ABCB1: variants seen among roughly 807,000 people sequenced by gnomAD.
ABCB1 encodes ATP-dependent translocase ABCB1.
A neutral mutation model predicts 142.0 loss-of-function variants in ABCB1; 69 were observed. The observed-to-expected ratio is 0.49, with a 90% CI of 0.40 to 0.59. The LOEUF is 0.59. Among genes scored for constraint, ABCB1 ranks in the 20% least tolerant of loss-of-function variants. The pLI is 0.00. For missense variants in ABCB1, 1,326 were observed against 1,554.7 expected (o/e 0.85, Z 2.47); for synonymous variants, 532 against 539.2 (o/e 0.99, Z 0.18).
intron 4 of ABCB1, among the ~76,000 whole-genome samples, chr7:87,582,013 C>T (rs923820046): frequency 2.6e-5 from 4 of 152,126 alleles, no homozygotes; most frequent in Non-Finnish European, 5.9e-5. Context: ...TGATGCTATT[C>T]CCTGCTTTCC....
intron 1 of ABCB1, among the ~76,000 whole-genome samples, chr7:87,626,110 A>G (rs539946414): frequency 2.3e-5 from 3 of 128,332 alleles, no homozygotes; most frequent in African/African-American, 1.0e-4. Flanking sequence ...TGTCATATAT[A>G]TGTGTCATAT....
intron 15 of ABCB1, 99 bp downstream of exon 15, chr7:87,545,764 T>C (rs1366895891): frequency 1.7e-5 from 22 of 1,329,850 alleles, no homozygotes; most frequent in Non-Finnish European, 2.2e-5. Context: ...TTTCCTACTT[T>C]GTAAGGTAAT....
At chr7:87,711,820 GGAGCTGCCTGA>G (rs1441575589) in intron 1 of ABCB1, among the ~76,000 whole-genome samples, 1 of 152,068 alleles carries the variant, frequency 6.6e-6, no homozygotes, top group African/African-American at 2.4e-5. Flanking sequence ...TCTATTGGTC[GGAGCTGCCTGA>G]GATATTTCTA....
chr7:87,509,229 G>A, intron 26 of ABCB1, 46 bp downstream of exon 26: 1 of 1,596,576 alleles, frequency 6.3e-7, no homozygotes, highest in East Asian at 2.2e-5. Context: ...ATAGGCCAGA[G>A]AGGCTGCCAC....
chr7:87,588,582 T>C (rs896938380), intron 3 of ABCB1, among the ~76,000 whole-genome samples: 6 of 152,242 alleles, frequency 3.9e-5, no homozygotes, highest in East Asian at 1.9e-4. Context: ...CAGTCTACAA[T>C]TGATGGCCAT....
chr7:87,568,783 T>C (rs1325740804), intron 5 of ABCB1, among the ~76,000 whole-genome samples: 2 of 152,216 alleles, frequency 1.3e-5, no homozygotes, highest in Non-Finnish European at 2.9e-5. Context: ...GTGTTCATGA[T>C]ACAACAAGAG....
chr7:87,625,241 A>G (rs150501974), intron 1 of ABCB1, among the ~76,000 whole-genome samples: 20 of 152,070 alleles, frequency 1.3e-4, no homozygotes, highest in African/African-American at 4.8e-4. Flanking sequence ...TGTGCGACTG[A>G]GCGAGACTGC....
intron 1 of ABCB1, among the ~76,000 whole-genome samples, chr7:87,626,130 T>TATATATGTGTCATATATATTGTC (rs1820461466): frequency 7.1e-6 from 1 of 141,456 alleles, no homozygotes; most frequent in Non-Finnish European, 1.5e-5. Context: ...TATATTGTCA[T>TATATATGTGTCATATATATTGTC]ATATATGTGT....
intron 2 of ABCB1, among the ~76,000 whole-genome samples, chr7:87,597,575 A>C (rs975811114): frequency 1.3e-5 from 2 of 152,054 alleles, no homozygotes; most frequent in Admixed American, 1.3e-4. Flanking sequence ...CATACCCTCA[A>C]TATTTCTTAG....
At chr7:87,526,024 A>G (rs568829985) in intron 21 of ABCB1, among the ~76,000 whole-genome samples, 1 of 152,008 alleles carries the variant, frequency 6.6e-6, no homozygotes, top group East Asian at 1.9e-4. Flanking sequence ...TGCTTCTCCT[A>G]TATCTTCTTC....
At chr7:87,676,703 CAA>C (rs57480483) in intron 1 of ABCB1, among the ~76,000 whole-genome samples, 1,274 of 45,356 alleles carry the variant, frequency 0.028, 3 homozygotes, top group African/African-American at 0.041. Flanking sequence ...GACCCTGTCT[CAA>C]AAAAAAAAAA....
intron 1 of ABCB1, among the ~76,000 whole-genome samples, chr7:87,673,282 C>T (rs949301530): frequency 2.0e-5 from 3 of 152,170 alleles, no homozygotes; most frequent in Non-Finnish European, 4.4e-5. Flanking sequence ...AGGTTGGGGA[C>T]ATTTTCATGG....
At chr7:87,629,207 T>A (rs1820951484) in intron 1 of ABCB1, 1 of 362,784 alleles carries the variant, frequency 2.8e-6, no homozygotes, top group Admixed American at 4.7e-5. Flanking sequence ...GGAGGATTTG[T>A]TTTGAATGTG....
rs779103120 is a variant in ABCB1 at position 87,504,412 on chromosome 7, C to T, written c.3674G>A (p.Arg1225His). The change falls in exon 28 of 28, where the codon CGC becomes CAC. Residue 1225 changes from arginine to histidine, a missense_variant. Coordinates refer to ENST00000622132, the MANE Select transcript of ABCB1 (RefSeq NM_001348946.2). ...QEALDKAREG[R>H]TCIVIAHRLS... ...GCGGTGAGCAATCACAATGCAGGTGCGGCCTTCTCTGGCTTTGTCCAGGGC... is the reference window on the plus strand; with the variant it reads ...GCGGTGAGCAATCACAATGCAGGTGTGGCCTTCTCTGGCTTTGTCCAGGGC... The T allele has an allele frequency of 1.2e-5, 20 of 1,613,974 alleles. No homozygotes were observed. Among genetic ancestry groups the T allele is most frequent in the East Asian group, 2.2e-5 (1 of 44,894 alleles).
intron 23 of ABCB1, among the ~76,000 whole-genome samples, chr7:87,517,719 G>A (rs1046307705): frequency 1.3e-5 from 2 of 152,174 alleles, no homozygotes; most frequent in Admixed American, 6.5e-5. Context: ...GTTTCTTACA[G>A]AGCCAGATAT....
In ABCB1 at chr7:87,656,771, A is replaced by G. The variant is rs966605304; in HGVS notation, c.-330-55693T>C. ...GTTAGTTGTATTATAGTTCACCACT[A>G]TTTTTCTTCTAAACTTATTTATCCA... On this transcript the variant is annotated intron_variant, in intron 1 of 28. Transcript: ENST00000265724. Among the ~76,000 whole-genome samples the G allele has an allele frequency of 9.2e-5, 14 of 152,154 alleles. No individual in the cohort carries two copies. In the East Asian group the frequency reaches 2.7e-3, roughly 29 times the overall value.
Position 87,531,401 on chromosome 7 carries a change from A to G in ABCB1, c.2578T>C (p.Leu860=), listed in dbSNP as rs1209249672. 6.2e-7 allele frequency: 1 copy of G among 1,613,558 alleles called. No homozygotes were observed. Among genetic ancestry groups the G allele is most frequent in the Non-Finnish European group, 8.5e-7 (1 of 1,179,722 alleles). ...ATGATGGGTACAATTGCTAAGAGTA[A>G]CAGTGTTAGTTGCCAACCATAGATG... ...SFIYGWQLTL[L]LLAIVPIIAI... Residue 860 remains leucine, a synonymous_variant, in exon 21 of 28, where the codon TTA becomes CTA. Transcript: ENST00000622132.
intron 1 of ABCB1, among the ~76,000 whole-genome samples, chr7:87,684,776 A>G (rs929831046): frequency 1.3e-5 from 2 of 149,290 alleles, no homozygotes; most frequent in African/African-American, 4.9e-5. Context: ...AAAAAAAAGA[A>G]TAGAATAGAA....
chr7:87,577,141 C>T (rs2129877036), intron 4 of ABCB1, among the ~76,000 whole-genome samples: 1 of 152,282 alleles, frequency 6.6e-6, no homozygotes, highest in African/African-American at 2.4e-5. Context: ...AATTTTTTAG[C>T]TCCCACAAAT....
Sources: gnomAD v4.1 joint callset for allele counts (sites outside exome capture counted in the v4.1 genomes callset) on GRCh38, gnomAD v4.1.1 for gene constraint, MANE v1.5 for transcripts, NCBI Gene and HGNC (gene_info 2026-07-23, HGNC 2026-07-21) for gene names.